The following CDH10 variants were observed in gnomAD, a reference collection of about 807,000 sequenced individuals.
CDH10 encodes the protein cadherin 10.
Under a neutral mutation model 73.1 loss-of-function variants are expected in CDH10, and 30 were observed. That is an observed-to-expected ratio of 0.41 (90% CI 0.31 to 0.56). The LOEUF (loss-of-function observed/expected upper bound fraction) is 0.56. CDH10 is among the 20% of genes least tolerant of loss of function. The pLI is 0.27. For missense variants in CDH10, 815 were observed against 973.7 expected (o/e 0.84, Z 2.17); for synonymous variants, 345 against 348.2 (o/e 0.99, Z 0.10).
intron 8 of CDH10, among the ~76,000 whole-genome samples, chr5:24,504,517 T>G (rs1412942633): frequency 0.031 from 1,060 of 33,770 alleles, 225 homozygotes; most frequent in African/African-American, 0.065. Context: ...TTTTTTTTTT[T>G]TTTTTTTTTT....
chr5:24,564,154 G>A (rs1453084328), intron 2 of CDH10, among the ~76,000 whole-genome samples: 1 of 151,972 alleles, frequency 6.6e-6, no homozygotes, highest in Non-Finnish European at 1.5e-5. Context: ...ATTGCTATTG[G>A]GACACTGCTT....
intron 7 of CDH10, among the ~76,000 whole-genome samples, chr5:24,507,690 C>A (rs1282289557): frequency 6.6e-6 from 1 of 151,742 alleles, no homozygotes; most frequent in African/African-American, 2.4e-5. Flanking sequence ...AGAATCTCTA[C>A]CAAGAAAATG....
intron 9 of CDH10, among the ~76,000 whole-genome samples, chr5:24,497,917 A>G (rs1384974399): frequency 6.6e-6 from 1 of 152,246 alleles, no homozygotes; most frequent in Non-Finnish European, 1.5e-5. Flanking sequence ...GAAATGCAAT[A>G]TGTAAGTCTA....
chr5:24,515,302 T>C (rs1419698566), intron 5 of CDH10, among the ~76,000 whole-genome samples: 1 of 152,088 alleles, frequency 6.6e-6, no homozygotes, highest in African/African-American at 2.4e-5. Context: ...GTTCAAACAG[T>C]TTTCAAGGAA....
intron 1 of CDH10, among the ~76,000 whole-genome samples, chr5:24,630,930 A>T (rs1167953051): frequency 6.6e-6 from 1 of 152,164 alleles, no homozygotes; most frequent in Non-Finnish European, 1.5e-5. Flanking sequence ...CAGCAAAGTT[A>T]GGAGGCAGCA....
At chr5:24,546,850 A>G (rs1355993779) in intron 2 of CDH10, among the ~76,000 whole-genome samples, 2 of 152,166 alleles carry the variant, frequency 1.3e-5, no homozygotes, top group East Asian at 1.9e-4. Flanking sequence ...TATTTATAAA[A>G]GAAAATGGAC....
chr5:24,543,868 T>C (rs1744241681), intron 2 of CDH10, among the ~76,000 whole-genome samples: 1 of 151,750 alleles, frequency 6.6e-6, no homozygotes, highest in Non-Finnish European at 1.5e-5. Flanking sequence ...TTAAATGGAG[T>C]ATGGGAAGAT....
intron 2 of CDH10, among the ~76,000 whole-genome samples, chr5:24,553,634 A>G (rs545830383): frequency 2.6e-5 from 4 of 152,260 alleles, no homozygotes; most frequent in Admixed American, 6.5e-5. Flanking sequence ...TTTGTATTAT[A>G]TATGTAGCAT....
chr5:24,537,228 T>C, intron 3 of CDH10, 152 bp downstream of exon 3: 1 of 545,928 alleles, frequency 1.8e-6, no homozygotes, highest in South Asian at 2.9e-5. Flanking sequence ...TCTTTTTTTT[T>C]CTGATTGTCT....
intron 8 of CDH10, among the ~76,000 whole-genome samples, chr5:24,498,990 C>T (rs935913500): frequency 4.6e-5 from 7 of 151,940 alleles, no homozygotes; most frequent in South Asian, 2.1e-4. Context: ...GCTTCCACAG[C>T]GTGGAAGGGG....
intron 2 of CDH10, among the ~76,000 whole-genome samples, chr5:24,565,979 C>G (rs112654796): frequency 5.3e-5 from 8 of 152,272 alleles, no homozygotes; most frequent in Admixed American, 2.0e-4. Flanking sequence ...CCCAAGCAGA[C>G]TAATACAAAG....
At chr5:24,599,820 G>T (rs1170289936) in intron 1 of CDH10, among the ~76,000 whole-genome samples, 1 of 151,898 alleles carries the variant, frequency 6.6e-6, no homozygotes, top group Non-Finnish European at 1.5e-5. Context: ...ATAAGAAGCA[G>T]AAAAAAACTT....
At chr5:24,614,862 A>G (rs1010240933) in intron 1 of CDH10, among the ~76,000 whole-genome samples, 2 of 152,128 alleles carry the variant, frequency 1.3e-5, no homozygotes, top group African/African-American at 2.4e-5. Context: ...AGGCGGCAGG[A>G]CTTATTTTTT....
intron 1 of CDH10, among the ~76,000 whole-genome samples, chr5:24,640,199 G>T (rs1748000924): frequency 1.3e-5 from 2 of 151,470 alleles, no homozygotes; most frequent in South Asian, 4.2e-4. Context: ...TAAAGCACAT[G>T]GGAAATTTAA....
chr5:24,560,678 T>C (rs1375196023), intron 2 of CDH10, among the ~76,000 whole-genome samples: 1 of 152,058 alleles, frequency 6.6e-6, no homozygotes, highest in African/African-American at 2.4e-5. Context: ...TTTCAAGGAA[T>C]CTTGGCTGCT....
intron 2 of CDH10, among the ~76,000 whole-genome samples, chr5:24,542,673 A>T (rs886318520): frequency 6.6e-6 from 1 of 152,212 alleles, no homozygotes; most frequent in African/African-American, 2.4e-5. Context: ...CTTATAAGCA[A>T]CAGAAATATA....
chr5:24,558,471 T>C, intron 2 of CDH10, among the ~76,000 whole-genome samples: 1 of 151,840 alleles, frequency 6.6e-6, no homozygotes. Context: ...TTTTAAAAAT[T>C]GTAGTCTATA....
chr5:24,568,038 G>T (rs1745226118), intron 2 of CDH10, among the ~76,000 whole-genome samples: 1 of 152,086 alleles, frequency 6.6e-6, no homozygotes, highest in Non-Finnish European at 1.5e-5. Flanking sequence ...TAATTTTATA[G>T]AGAGTAGCAG....
chr5:24,638,154 T>C (rs1747928134), intron 1 of CDH10, among the ~76,000 whole-genome samples: 1 of 151,806 alleles, frequency 6.6e-6, no homozygotes, highest in South Asian at 2.1e-4. Context: ...GTATTTCATT[T>C]CTGCCGTTTT....
Sources: gnomAD v4.1 joint callset for allele counts (sites outside exome capture counted in the v4.1 genomes callset) on GRCh38, gnomAD v4.1.1 for gene constraint, MANE v1.5 for transcripts, NCBI Gene and HGNC (gene_info 2026-07-23, HGNC 2026-07-21) for gene names.